Variants in SEMA6D observed in about 807,000 individuals in gnomAD.
SEMA6D encodes the protein semaphorin-6D.
In SEMA6D, 35 loss-of-function variants were observed where a neutral mutation model predicts 106.6. That is an observed-to-expected ratio of 0.33 (90% CI 0.25 to 0.44). The LOEUF (loss-of-function observed/expected upper bound fraction) is 0.44. Among genes scored for constraint, SEMA6D ranks in the 20% least tolerant of loss-of-function variants. SEMA6D has a pLI of 1.00. For missense variants in SEMA6D, 1,185 were observed against 1,345.9 expected, an observed-to-expected ratio of 0.88 and a Z score of 1.87; for synonymous variants, 499 against 487.7, an observed-to-expected ratio of 1.02 and a Z score of -0.31.
At chr15:47,367,539 T>C (rs2039077100) in intron 1 of SEMA6D, among the ~76,000 whole-genome samples, 1 of 152,188 alleles carries the variant, frequency 6.6e-6, no homozygotes, top group Non-Finnish European at 1.5e-5. Context: ...CATTGCTTTA[T>C]TATAATTTTA....
At chr15:47,214,670 C>T (rs1483447432) in intron 1 of SEMA6D, among the ~76,000 whole-genome samples, 1 of 151,966 alleles carries the variant, frequency 6.6e-6, no homozygotes, top group Non-Finnish European at 1.5e-5. Context: ...ATCTTTCTGC[C>T]CTGATACAAA....
chr15:47,731,513 C>G (rs2080122217), intron 1 of SEMA6D, among the ~76,000 whole-genome samples: 1 of 152,100 alleles, frequency 6.6e-6, no homozygotes, highest in Admixed American at 6.5e-5. Context: ...TATGGTAGCC[C>G]TCATTGAGCA....
intron 1 of SEMA6D, among the ~76,000 whole-genome samples, chr15:47,188,344 A>G (rs149896175): frequency 2.0e-5 from 3 of 152,232 alleles, no homozygotes; most frequent in African/African-American, 7.2e-5. Flanking sequence ...TTAGATTTTT[A>G]TTTTAATAAC....
At chr15:47,490,590 A>G (rs1307320849) in intron 3 of SEMA6D, among the ~76,000 whole-genome samples, 3 of 152,216 alleles carry the variant, frequency 2.0e-5, no homozygotes, top group Admixed American at 1.3e-4. Flanking sequence ...GGTTGCAGTG[A>G]GCCTAGATTG....
rs575917945 is a variant in SEMA6D at position 47,580,515 on chromosome 15, TTA to T, written c.-86-20348_-86-20347del. Reference sequence around the variant, plus strand: ...AAGCAGAGTATTGTTGAAACCCTTCTTATTCTATTACCTCTCACTCACCAACA... The same window carrying T: ...AAGCAGAGTATTGTTGAAACCCTTCTTTCTATTACCTCTCACTCACCAACA... On this transcript the variant is annotated intron_variant, in intron 3 of 19. Coordinates refer to the SEMA6D transcript ENST00000558014. 3.9e-5 allele frequency among the ~76,000 whole-genome samples: 6 copies of T among 152,320 alleles called. No homozygotes were observed. The East Asian group carries it at 1.2e-3, about 29-fold the overall frequency.
intron 3 of SEMA6D, among the ~76,000 whole-genome samples, chr15:47,556,276 G>A (rs2045912232): frequency 6.6e-6 from 1 of 152,008 alleles, no homozygotes; most frequent in South Asian, 2.1e-4. Context: ...TTCCATTTTT[G>A]TACTCCTTTC....
chr15:47,572,371 C>G (rs1186310333), intron 3 of SEMA6D, among the ~76,000 whole-genome samples: 2 of 152,168 alleles, frequency 1.3e-5, no homozygotes, highest in African/African-American at 2.4e-5. Flanking sequence ...TAATATAACA[C>G]AAATACAGAA....
At chr15:47,371,721 G>T (rs1436409133) in intron 1 of SEMA6D, among the ~76,000 whole-genome samples, 1 of 151,968 alleles carries the variant, frequency 6.6e-6, no homozygotes, top group East Asian at 1.9e-4. Flanking sequence ...AAAAAATCTG[G>T]TCATCTTAAG....
At chr15:47,247,251 G>T (rs2033257728) in intron 1 of SEMA6D, among the ~76,000 whole-genome samples, 2 of 152,108 alleles carry the variant, frequency 1.3e-5, no homozygotes, top group Admixed American at 1.3e-4. Context: ...AGAAAGTTCT[G>T]TGGGAATCAT....
intron 1 of SEMA6D, among the ~76,000 whole-genome samples, chr15:47,236,759 C>G (rs1021680450): frequency 1.3e-5 from 2 of 152,144 alleles, no homozygotes; most frequent in Non-Finnish European, 1.5e-5. Flanking sequence ...AATTATTTGC[C>G]TATCTTGGAT....
intron 4 of SEMA6D, among the ~76,000 whole-genome samples, chr15:47,682,088 G>C (rs1265154161): frequency 6.6e-6 from 1 of 152,118 alleles, no homozygotes; most frequent in Non-Finnish European, 1.5e-5. Flanking sequence ...AACCCCTAAA[G>C]GGTATATTTA....
At chr15:47,482,180 A>G (rs1206279518) in intron 3 of SEMA6D, among the ~76,000 whole-genome samples, 1 of 152,168 alleles carries the variant, frequency 6.6e-6, no homozygotes, top group Non-Finnish European at 1.5e-5. Context: ...ACATAATGAC[A>G]ACAGGGAAAC....
chr15:47,270,408 T>C (rs2034504765), intron 1 of SEMA6D, among the ~76,000 whole-genome samples: 1 of 151,994 alleles, frequency 6.6e-6, no homozygotes, highest in Non-Finnish European at 1.5e-5. Flanking sequence ...TCATACCATC[T>C]GACAATTAAA....
intron 1 of SEMA6D, among the ~76,000 whole-genome samples, chr15:47,198,697 G>A (rs758837790): frequency 5.3e-5 from 8 of 152,022 alleles, no homozygotes; most frequent in Admixed American, 6.6e-5. Context: ...GGAGGATAAC[G>A]GTTAATTAGT....
chr15:47,765,760 G>A, intron 13 of SEMA6D, 109 bp from the exon 14 acceptor site: 2 of 1,077,158 alleles, frequency 1.9e-6, no homozygotes, highest in Non-Finnish European at 2.5e-6. Flanking sequence ...TACTTGCCTG[G>A]TTTGTTACCA....
chr15:47,230,059 A>G (rs1038126527), intron 1 of SEMA6D, among the ~76,000 whole-genome samples: 1 of 152,020 alleles, frequency 6.6e-6, no homozygotes, highest in Non-Finnish European at 1.5e-5. Flanking sequence ...TTTATTTGCT[A>G]ATTTTGGCAA....
intron 3 of SEMA6D, among the ~76,000 whole-genome samples, chr15:47,579,591 A>G (rs1370172289): frequency 6.6e-6 from 1 of 152,186 alleles, no homozygotes; most frequent in African/African-American, 2.4e-5. Flanking sequence ...AACCATATGC[A>G]TCATTTTGCT....
intron 1 of SEMA6D, among the ~76,000 whole-genome samples, chr15:47,262,289 C>G (rs2034111588): frequency 6.6e-6 from 1 of 152,016 alleles, no homozygotes; most frequent in Non-Finnish European, 1.5e-5. Flanking sequence ...CAATGTTATG[C>G]CTATTAAACT....
intron 3 of SEMA6D, among the ~76,000 whole-genome samples, chr15:47,507,719 C>G (rs1039687659): frequency 1.3e-5 from 2 of 152,146 alleles, no homozygotes; most frequent in African/African-American, 2.4e-5. Flanking sequence ...CCTCAACAGG[C>G]AGTGTCAGAC....
Sources: allele counts gnomAD v4.1 joint callset (sites outside exome capture counted in the v4.1 genomes callset), GRCh38; gene constraint gnomAD v4.1.1; transcripts MANE v1.5; gene names NCBI Gene and HGNC (gene_info 2026-07-23, HGNC 2026-07-21).